Variants in TMTC2 observed in about 807,000 individuals in gnomAD.
TMTC2 encodes protein O-mannosyl-transferase TMTC2.
TMTC2 carries 43 observed loss-of-function variants against 82.4 expected under a neutral mutation model. That is an observed-to-expected ratio of 0.52 (90% CI 0.41 to 0.67). TMTC2 has a LOEUF of 0.67. TMTC2 is among the 30% of genes least tolerant of loss of function. The pLI is 0.00. For synonymous variants in TMTC2, 408 were observed against 381.9 expected (o/e 1.07, Z -0.80); for missense variants, 919 against 1,012.4 (o/e 0.91, Z 1.25).
At chr12:82,908,920 A>G (rs946601976) in intron 3 of TMTC2, among the ~76,000 whole-genome samples, 1 of 152,188 alleles carries the variant, frequency 6.6e-6, no homozygotes, top group Non-Finnish European at 1.5e-5. Flanking sequence ...AATGTTACAC[A>G]TAATATTCTT....
At chr12:82,848,540 C>T (rs1870807367) in intron 1 of TMTC2, among the ~76,000 whole-genome samples, 1 of 152,030 alleles carries the variant, frequency 6.6e-6, no homozygotes, top group South Asian at 2.1e-4. Flanking sequence ...GCTCATCATT[C>T]CATTTTCAGT....
intron 1 of TMTC2, among the ~76,000 whole-genome samples, chr12:82,738,922 T>A: frequency 6.6e-6 from 1 of 151,892 alleles, no homozygotes; most frequent in East Asian, 1.9e-4. Context: ...CCAAGGTAGG[T>A]GGATCACTTG....
intron 7 of TMTC2, among the ~76,000 whole-genome samples, chr12:82,984,291 C>T (rs1004050553): frequency 6.6e-6 from 1 of 152,016 alleles, no homozygotes; most frequent in South Asian, 2.1e-4. Flanking sequence ...GAACTAGAAA[C>T]ACATAGATAT....
At chr12:82,765,702 CAAA>C (rs754326639) in intron 1 of TMTC2, among the ~76,000 whole-genome samples, 1 of 138,630 alleles carries the variant, frequency 7.2e-6, no homozygotes, top group Non-Finnish European at 1.6e-5. Context: ...CAAAACAAAA[CAAA>C]CAAACAAACA....
intron 3 of TMTC2, among the ~76,000 whole-genome samples, chr12:82,902,010 C>T (rs1157190480): frequency 1.3e-5 from 2 of 152,208 alleles, no homozygotes; most frequent in Admixed American, 1.3e-4. Flanking sequence ...TTATGTCCCA[C>T]TCCAGTTAAG....
intron 1 of TMTC2, among the ~76,000 whole-genome samples, chr12:82,833,546 T>G (rs1869865862): frequency 6.6e-6 from 1 of 152,232 alleles, no homozygotes; most frequent in Admixed American, 6.5e-5. Flanking sequence ...GCTTTATTCA[T>G]TCAGTTGATT....
At chr12:82,899,557 AATAT>A (rs986939648) in intron 3 of TMTC2, among the ~76,000 whole-genome samples, 7 of 140,834 alleles carry the variant, frequency 5.0e-5, no homozygotes, top group Non-Finnish European at 9.1e-5. Context: ...TATATATAAG[AATAT>A]ATATATATGT....
chr12:83,112,813 C>A (rs529177521), intron 11 of TMTC2, among the ~76,000 whole-genome samples: 1 of 152,050 alleles, frequency 6.6e-6, no homozygotes, highest in Middle Eastern at 3.2e-3. Context: ...AATATTTGAT[C>A]GCTATTTCAA....
At chr12:82,713,260 AGCCAAGATAGT>A (rs1873723552) in intron 1 of TMTC2, among the ~76,000 whole-genome samples, 1 of 152,158 alleles carries the variant, frequency 6.6e-6, no homozygotes, top group African/African-American at 2.4e-5. Context: ...GGTTGCAGTG[AGCCAAGATAGT>A]GCCATTGCAC....
At chr12:83,062,967 C>T (rs910812581) in intron 11 of TMTC2, among the ~76,000 whole-genome samples, 3 of 151,904 alleles carry the variant, frequency 2.0e-5, no homozygotes, top group East Asian at 1.9e-4. Flanking sequence ...CATCCTAAGG[C>T]TCATGGCTGA....
At chr12:82,703,498 CT>C (rs539968079) in intron 1 of TMTC2, among the ~76,000 whole-genome samples, 17,048 of 121,536 alleles carry the variant, frequency 0.14, 896 homozygotes, top group East Asian at 0.27. Flanking sequence ...TAGTTTCTTT[CT>C]TTTTTTTTTT....
intron 8 of TMTC2, among the ~76,000 whole-genome samples, chr12:83,021,003 A>G (rs1378968364): frequency 6.6e-6 from 1 of 152,218 alleles, no homozygotes; most frequent in Non-Finnish European, 1.5e-5. Context: ...TTAAATACAT[A>G]TTTATGAAAG....
intron 11 of TMTC2, among the ~76,000 whole-genome samples, chr12:83,126,245 G>T (rs577716040): frequency 6.6e-6 from 1 of 152,074 alleles, no homozygotes; most frequent in Non-Finnish European, 1.5e-5. Context: ...TAGTAAAAGT[G>T]TGAAATGTGT....
chr12:82,929,541 T>G, intron 3 of TMTC2, among the ~76,000 whole-genome samples: 1 of 152,156 alleles, frequency 6.6e-6, no homozygotes, highest in Admixed American at 6.5e-5. Context: ...AATTGATAAC[T>G]CAAAACCCTT....
At chr12:82,725,902 G>A (rs1874424324) in intron 1 of TMTC2, among the ~76,000 whole-genome samples, 1 of 152,160 alleles carries the variant, frequency 6.6e-6, no homozygotes, top group Admixed American at 6.5e-5. Flanking sequence ...CCTCATAGTG[G>A]CTGCCCTTAG....
rs187630955 is a variant in TMTC2 at position 82,844,737 on chromosome 12, G to A, written c.84-12273G>A. Among the ~76,000 whole-genome samples, 660 of 151,574 alleles carry A rather than the reference G, an allele frequency of 4.4e-3. 4 individuals are homozygous for A. Among genetic ancestry groups the A allele is most frequent in the African/African-American group, 0.015 (638 of 41,214 alleles). The stretch of plus-strand genomic sequence containing the variant: ...GAATGGCGGGAACCCAGGAGGCGGA[G>A]CTTGCAGTGAGCCGAGATCGCATCA... On this transcript the variant is annotated intron_variant, in intron 1 of 11. Transcript: ENST00000321196.
rs199718259 is a variant in TMTC2 at position 82,845,943 on chromosome 12, G to GT, written c.84-11053dup. ...CAGGGTCACAGTGTTTTTTGTGTTT[G>GT]TTTTTTTTTTTTTTGATATTTCCTG... On this transcript the variant is annotated intron_variant, in intron 1 of 11. Coordinates refer to ENST00000321196, the MANE Select transcript of TMTC2 (RefSeq NM_152588.3). 8.7e-3 allele frequency among the ~76,000 whole-genome samples: 1,196 copies of GT among 137,734 alleles called. 7 individuals are homozygous for GT. Among genetic ancestry groups the GT allele is most frequent in the Middle Eastern group, 0.035 (9 of 260 alleles). 90.4% of individuals were successfully genotyped at this position (137,734 alleles called of 152,430 possible). A position where few individuals can be genotyped will look rare whatever the true frequency, so the allele number is the denominator to read the frequency against.
intron 1 of TMTC2, among the ~76,000 whole-genome samples, chr12:82,778,979 G>T (rs1419709562): frequency 6.7e-6 from 1 of 149,294 alleles, no homozygotes; most frequent in Non-Finnish European, 1.5e-5. Flanking sequence ...GGAGGTTGCA[G>T]TGAGCCAGGA....
At chr12:82,971,334 TA>T (rs1246798572) in intron 7 of TMTC2, among the ~76,000 whole-genome samples, 1 of 152,118 alleles carries the variant, frequency 6.6e-6, no homozygotes, top group African/African-American at 2.4e-5. Flanking sequence ...ATTAAATATA[TA>T]AAAACCTCTA....
Sources: gnomAD v4.1 joint callset for allele counts (sites outside exome capture counted in the v4.1 genomes callset) on GRCh38, gnomAD v4.1.1 for gene constraint, MANE v1.5 for transcripts, NCBI Gene and HGNC (gene_info 2026-07-23, HGNC 2026-07-21) for gene names.